FGF13: variants seen among roughly 807,000 people sequenced by gnomAD.
The protein encoded by FGF13 is fibroblast growth factor homologous factor 2.
A neutral mutation model predicts 19.5 loss-of-function variants in FGF13; 2 were observed. The ratio of observed to expected loss-of-function variants is 0.10; its 90% CI spans 0.04 to 0.32. The LOEUF is 0.32. FGF13 is among the 10% of genes least tolerant of loss of function. The probability of loss-of-function intolerance (pLI) is 1.00; values close to 1 mark genes in which losing one functional copy is unlikely to be tolerated. For missense variants in FGF13, 113 were observed against 192.7 expected, an observed-to-expected ratio of 0.59 and a Z score of 2.45; for synonymous variants, 72 against 76.9, an observed-to-expected ratio of 0.94 and a Z score of 0.33.
chrX:138,673,532 C>T (rs1158468409), intron 3 of FGF13, among the ~76,000 whole-genome samples: 1 of 111,471 alleles, frequency 9.0e-6, no homozygotes, highest in African/African-American at 3.3e-5. Context: ...CCCAGTTTTT[C>T]TTGGCTTGGA....
At chrX:138,710,697 G>A (rs1337839428) in intron 1 of FGF13, 120 bp downstream of exon 1, 39 of 1,098,260 alleles carry the variant, frequency 3.6e-5, no homozygotes, top group Admixed American at 8.4e-5. Context: ...ACACAGGCTA[G>A]GTGGCCTCTT....
At chrX:138,880,736 T>G (rs2091418866) in intron 1 of FGF13, among the ~76,000 whole-genome samples, 1 of 112,464 alleles carries the variant, frequency 8.9e-6, no homozygotes, top group Non-Finnish European at 1.9e-5. Flanking sequence ...CAATTTATCT[T>G]AGATGTATAG....
intron 1 of FGF13, among the ~76,000 whole-genome samples, chrX:139,167,777 A>G (rs763287873): frequency 8.9e-6 from 1 of 112,453 alleles, no homozygotes; most frequent in South Asian, 3.7e-4. Flanking sequence ...CATTCCACTT[A>G]GCAAAAATGT....
chrX:138,768,454 G>A (rs1409738311), intron 3 of FGF13, among the ~76,000 whole-genome samples: 1 of 109,499 alleles, frequency 9.1e-6, no homozygotes, highest in East Asian at 2.9e-4. Flanking sequence ...TGCTGGTAAT[G>A]TTCTACTTCT....
intron 1 of FGF13, among the ~76,000 whole-genome samples, chrX:139,163,730 C>T (rs2084055646): frequency 9.0e-6 from 1 of 111,151 alleles, no homozygotes; most frequent in South Asian, 3.8e-4. Flanking sequence ...CCACTACTAT[C>T]ACCACCACCA....
At chrX:139,029,189 G>A (rs995994474) in intron 1 of FGF13, among the ~76,000 whole-genome samples, 4 of 111,575 alleles carry the variant, frequency 3.6e-5, no homozygotes, top group Non-Finnish European at 7.5e-5. Flanking sequence ...TGATTATTTC[G>A]AATTGAAAAC....
intron 3 of FGF13, among the ~76,000 whole-genome samples, chrX:138,850,731 A>T (rs2091215734): frequency 8.9e-6 from 1 of 112,358 alleles, no homozygotes; most frequent in Non-Finnish European, 1.9e-5. Context: ...ACATGGTCCC[A>T]TGCTTTTCTT....
In FGF13 at chrX:138,620,149, A is replaced by C. The variant is rs1477633508; in HGVS notation, c.*12701T>G. Reference sequence around the variant, plus strand: ...TACTATGCAGCCATAAAAAGGAATGAGATCATGTCATTTTCAGGGACACAC... The same window carrying C: ...TACTATGCAGCCATAAAAAGGAATGCGATCATGTCATTTTCAGGGACACAC... On this transcript the variant is annotated 3_prime_UTR_variant, in exon 5 of 5. Coordinates refer to ENST00000315930, the MANE Select transcript of FGF13 (RefSeq NM_004114.5). 8.9e-6 allele frequency: 1 copy of C among 112,082 alleles called. No homozygotes were observed. Among genetic ancestry groups the C allele is most frequent in the Non-Finnish European group, 1.9e-5 (1 of 53,294 alleles). 9.2% of individuals were successfully genotyped at this position (112,082 alleles called of 1,213,427 possible).
intron 1 of FGF13, among the ~76,000 whole-genome samples, chrX:139,097,674 A>T (rs956381196): frequency 1.8e-5 from 2 of 112,392 alleles, no homozygotes; most frequent in African/African-American, 6.5e-5. Context: ...ATATTGTAGT[A>T]TTCCATTTAA....
chrX:139,004,366 G>C (rs2092090997), intron 1 of FGF13, among the ~76,000 whole-genome samples: 2 of 112,740 alleles, frequency 1.8e-5, no homozygotes, highest in Admixed American at 9.3e-5. Context: ...CCAGCTGGCC[G>C]GCAAGCGCCG....
At chrX:138,861,323 T>G (rs772958674) in intron 2 of FGF13, among the ~76,000 whole-genome samples, 1 of 112,593 alleles carries the variant, frequency 8.9e-6, no homozygotes, top group Admixed American at 9.4e-5. Context: ...ACCAATCTTA[T>G]AGTAAACCTT....
At chrX:139,123,459 C>T (rs1159070375) in intron 1 of FGF13, among the ~76,000 whole-genome samples, 6 of 111,433 alleles carry the variant, frequency 5.4e-5, no homozygotes, top group African/African-American at 9.8e-5. Flanking sequence ...ATGCTTTGTA[C>T]TTACTCTTCT....
At chrX:139,066,302 AGAG>A (rs2092356235) in intron 1 of FGF13, among the ~76,000 whole-genome samples, 1 of 111,610 alleles carries the variant, frequency 9.0e-6, no homozygotes, top group South Asian at 3.8e-4. Context: ...AGCTAGCAGA[AGAG>A]AAGAAATAAC....
At chrX:138,984,586 A>AG (rs1175809305) in intron 1 of FGF13, among the ~76,000 whole-genome samples, 58 of 43,005 alleles carry the variant, frequency 1.3e-3, no homozygotes, top group Non-Finnish European at 1.6e-3. Context: ...AAGAAGAAGA[A>AG]GAAGGAGGAG....
intron 1 of FGF13, among the ~76,000 whole-genome samples, chrX:139,040,067 C>T (rs1286088179): frequency 2.7e-5 from 3 of 112,327 alleles, no homozygotes; most frequent in East Asian, 5.6e-4. Context: ...TGTTCACCAA[C>T]GTCTTTTGTT....
At chrX:139,116,692 A>G (rs944229136) in intron 1 of FGF13, among the ~76,000 whole-genome samples, 3 of 110,969 alleles carry the variant, frequency 2.7e-5, no homozygotes, top group East Asian at 2.9e-4. Context: ...GAGCGGGGGG[A>G]AAAAAATCCA....
chrX:138,869,152 C>A lies in FGF13; in HGVS notation c.-112-4502G>T, dbSNP rs976724871. 2.7e-5 allele frequency among the ~76,000 whole-genome samples: 3 copies of A among 111,316 alleles called. No individual in the cohort carries two copies. In the Admixed American group the frequency reaches 2.9e-4, roughly 11 times the overall value. ...GTGCTCTTCTTTTCCTTCCTGCCAA[C>A]GTTCTGTGATCATATATGCTTCTGT... On this transcript the variant is annotated intron_variant, in intron 1 of 2. Coordinates refer to the FGF13 transcript ENST00000421460.
At chrX:138,977,238 C>T (rs773327856) in intron 1 of FGF13, among the ~76,000 whole-genome samples, 9 of 111,695 alleles carry the variant, frequency 8.1e-5, no homozygotes, top group Admixed American at 1.9e-4. Context: ...AAATGCAATT[C>T]GTTTTCTTGA....
intron 1 of FGF13, among the ~76,000 whole-genome samples, chrX:139,176,786 G>T (rs2084189734): frequency 9.0e-6 from 1 of 111,673 alleles, no homozygotes; most frequent in Admixed American, 9.5e-5. Context: ...TGTTTGTTGT[G>T]ATTTCCATTC....
Sources: gnomAD v4.1 joint callset for allele counts (sites outside exome capture counted in the v4.1 genomes callset) on GRCh38, gnomAD v4.1.1 for gene constraint, MANE v1.5 for transcripts, NCBI Gene and HGNC (gene_info 2026-07-23, HGNC 2026-07-21) for gene names.